BCOR: variants seen among roughly 807,000 people sequenced by gnomAD.
BCOR encodes BCL-6 corepressor.
In BCOR, 10 loss-of-function variants were observed where a neutral mutation model predicts 86.7. That is an observed-to-expected ratio of 0.12 (90% confidence interval 0.07 to 0.20). The LOEUF (loss-of-function observed/expected upper bound fraction) is 0.20, where lower values mean the gene tolerates loss of function less well. BCOR is among the 10% of genes least tolerant of loss of function. The pLI, the probability that BCOR is intolerant of heterozygous loss-of-function variation, is 1.00. For synonymous variants in BCOR, 611 were observed against 609.0 expected (o/e 1.00, Z -0.05); for missense variants, 1,259 against 1,452.1 (o/e 0.87, Z 2.16).
intron 1 of BCOR, among the ~76,000 whole-genome samples, chrX:40,132,083 G>A (rs913356642): frequency 4.5e-5 from 5 of 111,788 alleles, no homozygotes; most frequent in Non-Finnish European, 7.5e-5. Flanking sequence ...TCAGTAAGAA[G>A]TCTACTGCCA....
At chrX:40,082,795 G>T (rs139735965) in intron 1 of BCOR, among the ~76,000 whole-genome samples, 1 of 111,813 alleles carries the variant, frequency 8.9e-6, no homozygotes, top group Non-Finnish European at 1.9e-5. Flanking sequence ...AATAGCTGGC[G>T]CTGGCCACGT....
chrX:40,063,291 G>C (rs1935002983), intron 8 of BCOR, among the ~76,000 whole-genome samples: 1 of 112,615 alleles, frequency 8.9e-6, no homozygotes, highest in South Asian at 3.7e-4. Context: ...AAAACGCCAA[G>C]TGGCAAGTTG....
intron 1 of BCOR, among the ~76,000 whole-genome samples, chrX:40,110,241 T>G (rs1358224762): frequency 1.8e-5 from 2 of 111,403 alleles, no homozygotes; most frequent in African/African-American, 6.5e-5. Context: ...ATCATTATGG[T>G]CTATTAGGGG....
At chrX:40,161,814 T>C (rs1383934862) in intron 1 of BCOR, among the ~76,000 whole-genome samples, 1 of 112,156 alleles carries the variant, frequency 8.9e-6, no homozygotes, top group East Asian at 2.8e-4. Context: ...CGCCTAGCCC[T>C]GTTAGGGTCT....
chrX:40,164,661 T>C (rs1410400838), intron 1 of BCOR, among the ~76,000 whole-genome samples: 1 of 111,868 alleles, frequency 8.9e-6, no homozygotes, highest in East Asian at 2.8e-4. Context: ...GGGCAAAGCA[T>C]TTCCACCAGG....
intron 6 of BCOR, among the ~76,000 whole-genome samples, chrX:40,069,432 G>C (rs770461082): frequency 8.9e-6 from 1 of 112,021 alleles, no homozygotes; most frequent in Non-Finnish European, 1.9e-5. Context: ...ATCATGTGGG[G>C]CTTGGGCCCT....
intron 1 of BCOR, among the ~76,000 whole-genome samples, chrX:40,116,263 C>T (rs909928778): frequency 9.0e-6 from 1 of 111,501 alleles, no homozygotes; most frequent in Non-Finnish European, 1.9e-5. Flanking sequence ...TTTGGGAGGC[C>T]GAGGCGGGTG....
intron 9 of BCOR, among the ~76,000 whole-genome samples, 172 bp downstream of exon 9, chrX:40,062,574 A>G (rs994537676): frequency 9.1e-6 from 1 of 109,439 alleles, no homozygotes; most frequent in Non-Finnish European, 1.9e-5. Flanking sequence ...CATTCTTACT[A>G]GTTTGAAACT....
At chrX:40,090,567 C>G (rs1936562074) in intron 1 of BCOR, among the ~76,000 whole-genome samples, 1 of 111,624 alleles carries the variant, frequency 9.0e-6, no homozygotes, top group Admixed American at 9.3e-5. Context: ...CACCCCACCC[C>G]ACCCCCGCCT....
intron 1 of BCOR, among the ~76,000 whole-genome samples, chrX:40,169,235 G>C (rs1342850670): frequency 8.9e-6 from 1 of 112,439 alleles, no homozygotes; most frequent in East Asian, 2.8e-4. Context: ...GGCTCAAGTC[G>C]GTCCTTCAAC....
chrX:40,117,960 TTCTC>T (rs747544385), intron 1 of BCOR, among the ~76,000 whole-genome samples: 3 of 94,325 alleles, frequency 3.2e-5, no homozygotes, highest in Admixed American at 1.1e-4. Flanking sequence ...CTCGCACTCT[TTCTC>T]TCTCTCTCTC....
intron 1 of BCOR, among the ~76,000 whole-genome samples, chrX:40,129,089 G>C (rs1235916165): frequency 1.8e-5 from 2 of 111,835 alleles, no homozygotes; most frequent in Non-Finnish European, 3.8e-5. Context: ...CGCAGAGCTA[G>C]TGGGCATAGA....
At chrX:40,119,849 T>A (rs1480815636) in intron 1 of BCOR, among the ~76,000 whole-genome samples, 1 of 109,677 alleles carries the variant, frequency 9.1e-6, no homozygotes, top group Non-Finnish European at 1.9e-5. Flanking sequence ...TAAAAAAAAA[T>A]AATAAACCAG....
intron 1 of BCOR, among the ~76,000 whole-genome samples, chrX:40,160,490 G>A (rs866097107): frequency 1.0e-5 from 1 of 98,936 alleles, no homozygotes; most frequent in Non-Finnish European, 2.0e-5. Flanking sequence ...GGAGTGCAGC[G>A]GCGCGACAGA....
chrX:40,117,992 C>G (rs769043758), intron 1 of BCOR, among the ~76,000 whole-genome samples: 3 of 101,299 alleles, frequency 3.0e-5, no homozygotes, highest in African/African-American at 1.1e-4. Flanking sequence ...CCACCCCCCC[C>G]ACCCCTTTTC....
intron 1 of BCOR, among the ~76,000 whole-genome samples, chrX:40,079,235 G>A (rs1935963776): frequency 8.9e-6 from 1 of 112,123 alleles, no homozygotes; most frequent in African/African-American, 3.3e-5. Flanking sequence ...GTTTCCGAAA[G>A]CCCAAATGTT....
At chrX:40,136,254 C>A (rs1391995064) in intron 1 of BCOR, among the ~76,000 whole-genome samples, 2 of 112,378 alleles carry the variant, frequency 1.8e-5, no homozygotes, top group Admixed American at 1.9e-4. Flanking sequence ...TGGAGTCAAG[C>A]CCTGTTGAGC....
chrX:40,079,489 G>A (rs934556124), intron 1 of BCOR, among the ~76,000 whole-genome samples: 2 of 111,432 alleles, frequency 1.8e-5, no homozygotes, highest in Non-Finnish European at 3.8e-5. Flanking sequence ...CATCCCCCAT[G>A]GGCCCCCATC....
chrX:40,137,638 G>A (rs2147932272), intron 1 of BCOR, among the ~76,000 whole-genome samples: 1 of 111,448 alleles, frequency 9.0e-6, no homozygotes, highest in South Asian at 3.7e-4. Flanking sequence ...CTTGCCTCTG[G>A]CTCTTAAGAC....
Sources: allele counts gnomAD v4.1 joint callset (sites outside exome capture counted in the v4.1 genomes callset), GRCh38; gene constraint gnomAD v4.1.1; transcripts MANE v1.5; gene names NCBI Gene and HGNC (gene_info 2026-07-23, HGNC 2026-07-21).